The following ANKRD30BL variants were observed in gnomAD, a reference collection of about 807,000 sequenced individuals.
ANKRD30BL encodes the protein putative ankyrin repeat domain-containing protein 30B-like.
In ANKRD30BL, 20 loss-of-function variants were observed where a neutral mutation model predicts 18.4. That is an observed-to-expected ratio of 1.09 (90% CI 0.77 to 1.58). ANKRD30BL has a LOEUF of 1.58. Ranked by LOEUF, ANKRD30BL falls within the 40% of genes most tolerant of loss-of-function variation. The probability of loss-of-function intolerance (pLI) is 0.00; values close to 1 mark genes in which losing one functional copy is unlikely to be tolerated. For synonymous variants in ANKRD30BL, 72 were observed against 100.9 expected, an observed-to-expected ratio of 0.71 and a Z score of 1.72; for missense variants, 224 against 268.6, an observed-to-expected ratio of 0.83 and a Z score of 1.16.
At chr2:132,218,574 G>A (rs1251200481) in intron 1 of ANKRD30BL, among the ~76,000 whole-genome samples, 1 of 152,258 alleles carries the variant, frequency 6.6e-6, no homozygotes, top group Non-Finnish European at 1.5e-5. Context: ...TCTTTTTGCA[G>A]AATCTCCAAG....
At chr2:132,198,536 G>A (rs188125212) in intron 1 of ANKRD30BL, among the ~76,000 whole-genome samples, 3,488 of 151,090 alleles carry the variant, frequency 0.023, 122 homozygotes, top group African/African-American at 0.081. Flanking sequence ...TGTTAGCTAG[G>A]ATGGTCTCCA....
chr2:132,190,786 C>A (rs1194899100), intron 1 of ANKRD30BL, among the ~76,000 whole-genome samples: 2 of 152,236 alleles, frequency 1.3e-5, no homozygotes, highest in East Asian at 1.9e-4. Context: ...TAAGCAGATG[C>A]AGATTTTTTT....
intron 1 of ANKRD30BL, among the ~76,000 whole-genome samples, chr2:132,256,559 G>C (rs1680845686): frequency 6.6e-6 from 1 of 152,242 alleles, no homozygotes; most frequent in African/African-American, 2.4e-5. Context: ...TGGCCTCGGG[G>C]CATGAAGGCG....
At chr2:132,166,437 G>A (rs1478790661), upstream of ANKRD30BL, among the ~76,000 whole-genome samples, 1 of 151,122 alleles carries the variant, frequency 6.6e-6, no homozygotes, top group Non-Finnish European at 1.5e-5. Flanking sequence ...CATTGGGGGG[G>A]TGAGGGGGGG....
chr2:132,243,398 A>G (rs1428078581), intron 1 of ANKRD30BL, among the ~76,000 whole-genome samples: 1 of 151,620 alleles, frequency 6.6e-6, no homozygotes, highest in Non-Finnish European at 1.5e-5. Flanking sequence ...ATATCTTCAC[A>G]TAAAAAGTAG....
At chr2:132,164,718 C>A (rs1688155167), upstream of ANKRD30BL, among the ~76,000 whole-genome samples, 2 of 152,298 alleles carry the variant, frequency 1.3e-5, no homozygotes, top group Non-Finnish European at 2.9e-5. Flanking sequence ...CCCCAGAACA[C>A]CTACTTTGTT....
intron 1 of ANKRD30BL, among the ~76,000 whole-genome samples, chr2:132,200,457 A>C (rs1679073773): frequency 6.6e-6 from 1 of 152,140 alleles, no homozygotes; most frequent in East Asian, 1.9e-4. Flanking sequence ...CTCAGGATAC[A>C]AAATCAATGT....
chr2:132,204,529 G>T (rs1476087588), intron 1 of ANKRD30BL, among the ~76,000 whole-genome samples: 2 of 151,100 alleles, frequency 1.3e-5, no homozygotes, highest in African/African-American at 4.9e-5. Flanking sequence ...TTTCATTCTA[G>T]ATAGAAGTTT....
At chr2:132,239,430 T>C (rs1372205625) in intron 1 of ANKRD30BL, among the ~76,000 whole-genome samples, 1 of 151,890 alleles carries the variant, frequency 6.6e-6, no homozygotes, top group Non-Finnish European at 1.5e-5. Flanking sequence ...AGTGGAATCT[T>C]GAATCGCTTT....
At chr2:132,159,807 G>C (rs1301958723) in intron 1 of ANKRD30BL, among the ~76,000 whole-genome samples, 2 of 152,062 alleles carry the variant, frequency 1.3e-5, no homozygotes, top group Admixed American at 6.6e-5. Context: ...TTAGAAAGGT[G>C]TTGTCAACAT....
At chr2:132,213,355 G>A (rs576481248) in intron 1 of ANKRD30BL, among the ~76,000 whole-genome samples, 160 of 152,208 alleles carry the variant, frequency 1.1e-3, no homozygotes, top group African/African-American at 3.3e-3. Context: ...TTTGTGATGT[G>A]TGCATTCAAC....
upstream of ANKRD30BL, among the ~76,000 whole-genome samples, chr2:132,163,163 C>A (rs1461847977): frequency 1.3e-5 from 2 of 152,194 alleles, no homozygotes; most frequent in Non-Finnish European, 2.9e-5. Context: ...TCTATAAAGA[C>A]TTCCAGGCTG....
At chr2:132,245,374 C>T (rs569408201) in intron 1 of ANKRD30BL, among the ~76,000 whole-genome samples, 15 of 149,932 alleles carry the variant, frequency 1.0e-4, no homozygotes, top group African/African-American at 3.4e-4. Context: ...ATTGGAAACA[C>T]TCTTTTTGGA....
upstream of ANKRD30BL, among the ~76,000 whole-genome samples, chr2:132,163,721 C>T (rs2104935646): frequency 6.6e-6 from 1 of 152,276 alleles, no homozygotes; most frequent in South Asian, 2.1e-4. Context: ...GATGGGTCCC[C>T]AGCTGCAGGA....
chr2:132,202,509 CAA>C lies in ANKRD30BL; in HGVS notation n.442-45365_442-45364del, dbSNP rs1460171310. On this transcript the variant is annotated intron_variant and non_coding_transcript_variant, in intron 1 of 4. Transcript: ENST00000470729. ...ATCAAGTAATTTTAATCAGAAATTTCAAAAAAATAAAACCCTGAATCCAATTC... is the reference window on the plus strand; with the variant it reads ...ATCAAGTAATTTTAATCAGAAATTTCAAAAATAAAACCCTGAATCCAATTC... Among the ~76,000 whole-genome samples the C allele has an allele frequency of 2.0e-5, 3 of 147,158 alleles. No individual in the cohort carries two copies. The South Asian group carries it at 6.5e-4, about 32-fold the overall frequency.
chr2:132,214,518 A>G (rs1278953268), intron 1 of ANKRD30BL, among the ~76,000 whole-genome samples: 2 of 152,002 alleles, frequency 1.3e-5, no homozygotes, highest in African/African-American at 2.4e-5. Flanking sequence ...AAAAAAAGAC[A>G]GAAGCATTCT....
intron 1 of ANKRD30BL, among the ~76,000 whole-genome samples, chr2:132,205,686 T>C (rs1333525313): frequency 6.8e-6 from 1 of 146,738 alleles, no homozygotes; most frequent in Non-Finnish European, 1.5e-5. Flanking sequence ...CAACATTGAG[T>C]GGTCTTAAGG....
chr2:132,199,361 A>T (rs1465134195), intron 1 of ANKRD30BL, among the ~76,000 whole-genome samples: 2 of 151,006 alleles, frequency 1.3e-5, no homozygotes, highest in African/African-American at 4.9e-5. Flanking sequence ...TCCGTCTCAA[A>T]TAAATAAATA....
At chr2:132,172,827 C>CT (rs773157380) in intron 1 of ANKRD30BL, among the ~76,000 whole-genome samples, 16 of 152,052 alleles carry the variant, frequency 1.1e-4, no homozygotes, top group Non-Finnish European at 1.3e-4. Context: ...TTTGCCTCAG[C>CT]CTCCCAAGTA....
Sources: allele counts gnomAD v4.1 joint callset (sites outside exome capture counted in the v4.1 genomes callset), GRCh38; gene constraint gnomAD v4.1.1; transcripts MANE v1.5; gene names NCBI Gene and HGNC (gene_info 2026-07-23, HGNC 2026-07-21).